Variants in PXDNL observed in about 807,000 individuals in gnomAD.
PXDNL encodes probable oxidoreductase PXDNL.
A neutral mutation model predicts 150.8 loss-of-function variants in PXDNL; 145 were observed. That is an observed-to-expected ratio of 0.96 (90% CI 0.84 to 1.10). The LOEUF (loss-of-function observed/expected upper bound fraction) is 1.10, where lower values mean the gene tolerates loss of function less well. PXDNL is among the 50% of genes least tolerant of loss of function. The pLI is 0.00. For synonymous variants in PXDNL, 757 were observed against 725.7 expected, an observed-to-expected ratio of 1.04 and a Z score of -0.69; for missense variants, 2,087 against 1,873.9, an observed-to-expected ratio of 1.11 and a Z score of -2.10.
rs183438217 is a variant in PXDNL at position 51,425,594 on chromosome 8, G to A, written c.1638+1052C>T. ...CACACTTGTAATCCCAGCACGTTGG[G>A]AGGCCGAGGCAGGAGGATCATGAGG... On this transcript the variant is annotated intron_variant, in intron 13 of 22. Coordinates refer to ENST00000356297, the MANE Select transcript of PXDNL (RefSeq NM_144651.5). Among the ~76,000 whole-genome samples, 8 of 152,188 alleles carry A rather than the reference G, an allele frequency of 5.3e-5. No individual in the cohort carries two copies. The East Asian group carries it at 1.5e-3, about 29-fold the overall frequency.
chr8:51,589,132 C>G (rs1469514857), intron 3 of PXDNL, among the ~76,000 whole-genome samples: 5 of 152,122 alleles, frequency 3.3e-5, no homozygotes, highest in African/African-American at 9.7e-5. Context: ...TGTGACACAG[C>G]AAGAAGGCCC....
At chr8:51,415,181 G>A (rs1187172264) in intron 14 of PXDNL, among the ~76,000 whole-genome samples, 1 of 152,176 alleles carries the variant, frequency 6.6e-6, no homozygotes, top group Non-Finnish European at 1.5e-5. Context: ...GGGTATGTAT[G>A]AGAATGTTTA....
rs1815077620 is a variant in PXDNL, at chr8:51,653,255, T to C, written c.236+1434A>G. The stretch of plus-strand genomic sequence containing the variant: ...CAACATGGCAAAACCCTGTCTCTAC[T>C]AAAAATACAAAAATTAGCCGGGCAT... On this transcript the variant is annotated intron_variant, in intron 2 of 22. Coordinates refer to ENST00000356297, the MANE Select transcript of PXDNL (RefSeq NM_144651.5). 3.3e-5 allele frequency among the ~76,000 whole-genome samples: 5 copies of C among 151,968 alleles called. No individual in the cohort carries two copies. In the South Asian group the frequency reaches 1.0e-3, roughly 32 times the overall value.
chr8:51,663,666 G>GA (rs1815322957), intron 1 of PXDNL, among the ~76,000 whole-genome samples: 2 of 152,128 alleles, frequency 1.3e-5, no homozygotes, highest in Non-Finnish European at 2.9e-5. Context: ...AACCTGGATA[G>GA]AAAGTCCCTT....
At chr8:51,404,957 C>T (rs543482133) in intron 17 of PXDNL, among the ~76,000 whole-genome samples, 4 of 152,292 alleles carry the variant, frequency 2.6e-5, no homozygotes, top group South Asian at 2.1e-4. Flanking sequence ...GCTGCAGGTC[C>T]GAGTCCTGCC....
chr8:51,665,146 G>A (rs1031846560), intron 1 of PXDNL, among the ~76,000 whole-genome samples: 2 of 152,150 alleles, frequency 1.3e-5, no homozygotes, highest in African/African-American at 4.8e-5. Context: ...TCCTTAGAGA[G>A]ACATTCCCTG....
chr8:51,633,868 A>G (rs1814544778), intron 2 of PXDNL, among the ~76,000 whole-genome samples: 1 of 152,112 alleles, frequency 6.6e-6, no homozygotes, highest in African/African-American at 2.4e-5. Context: ...AGTTCCTTAT[A>G]CATTCTGAAT....
chr8:51,402,005 A>G (rs1808261462), intron 17 of PXDNL, among the ~76,000 whole-genome samples: 1 of 152,208 alleles, frequency 6.6e-6, no homozygotes, highest in Non-Finnish European at 1.5e-5. Flanking sequence ...AGCCAAGCCC[A>G]CAGGAAAGGG....
At chr8:51,645,034 T>A (rs936175748) in intron 2 of PXDNL, among the ~76,000 whole-genome samples, 1 of 152,054 alleles carries the variant, frequency 6.6e-6, no homozygotes, top group African/African-American at 2.4e-5. Context: ...AGTCCCATGA[T>A]CTGCCCTCTG....
chr8:51,514,727 G>C (rs954293031), intron 4 of PXDNL, among the ~76,000 whole-genome samples: 2 of 152,142 alleles, frequency 1.3e-5, no homozygotes, highest in African/African-American at 4.8e-5. Context: ...CAAAGTCCAA[G>C]CAACTGAGCA....
rs971324488 is a variant in PXDNL, at chr8:51,399,844, T to C, written c.3557+8223A>G. Among the ~76,000 whole-genome samples the C allele has an allele frequency of 3.6e-4, 55 of 152,334 alleles. 1 individual carries two copies. Among genetic ancestry groups the C allele is most frequent in the South Asian group, 2.1e-4 (1 of 4,832 alleles). On this transcript the variant is annotated intron_variant, in intron 17 of 22. Transcript: ENST00000356297. The stretch of plus-strand genomic sequence containing the variant: ...TATACTCTGGTGGTAAAATAGAATT[T>C]AGAAGTGAAATAAAGCATAAAGTTT...
intron 1 of PXDNL, among the ~76,000 whole-genome samples, chr8:51,728,718 T>TA (rs1331332327): frequency 6.6e-6 from 1 of 152,148 alleles, no homozygotes; most frequent in African/African-American, 2.4e-5. Flanking sequence ...TCAAAAAAGT[T>TA]AAAAAAATTA....
intron 13 of PXDNL, among the ~76,000 whole-genome samples, chr8:51,425,778 C>T (rs569836489): frequency 4.0e-5 from 6 of 151,650 alleles, no homozygotes; most frequent in Non-Finnish European, 5.9e-5. Context: ...GCCGAGATCG[C>T]GCCACTGCAC....
At chr8:51,473,416 T>C (rs556097338) in intron 7 of PXDNL, among the ~76,000 whole-genome samples, 1 of 151,984 alleles carries the variant, frequency 6.6e-6, no homozygotes, top group African/African-American at 2.4e-5. Flanking sequence ...GGTAGGTCAG[T>C]GGGAAGGGGG....
At chr8:51,675,068 C>T (rs762881992) in intron 1 of PXDNL, among the ~76,000 whole-genome samples, 13 of 152,316 alleles carry the variant, frequency 8.5e-5, no homozygotes, top group Middle Eastern at 3.4e-3. Flanking sequence ...TCATTTGCTA[C>T]GCACTCTCCT....
intron 19 of PXDNL, among the ~76,000 whole-genome samples, chr8:51,348,844 G>A (rs1227316591): frequency 6.6e-6 from 1 of 152,072 alleles, no homozygotes. Context: ...AAGAGACAGG[G>A]TTTAAATCCG....
chr8:51,750,296 ACAT>A (rs1461694183), intron 1 of PXDNL, among the ~76,000 whole-genome samples: 9 of 152,094 alleles, frequency 5.9e-5, no homozygotes, highest in African/African-American at 2.2e-4. Flanking sequence ...TTCCACCTCC[ACAT>A]CATATCCCAC....
At chr8:51,511,543 G>A (rs904226915) in intron 4 of PXDNL, among the ~76,000 whole-genome samples, 5 of 152,064 alleles carry the variant, frequency 3.3e-5, no homozygotes, top group Non-Finnish European at 5.9e-5. Flanking sequence ...TAAAATCATC[G>A]GGTCCCCTTC....
At chr8:51,789,766 G>A (rs1181718654) in intron 1 of PXDNL, among the ~76,000 whole-genome samples, 2 of 152,088 alleles carry the variant, frequency 1.3e-5, no homozygotes, top group East Asian at 3.8e-4. Context: ...TCCACCCAAG[G>A]AGTATCCTTC....
Sources: allele counts gnomAD v4.1 joint callset (sites outside exome capture counted in the v4.1 genomes callset), GRCh38; gene constraint gnomAD v4.1.1; transcripts MANE v1.5; gene names NCBI Gene and HGNC (gene_info 2026-07-23, HGNC 2026-07-21).